Variants in INSC observed in about 807,000 individuals in gnomAD.
INSC encodes INSC spindle orientation adaptor protein.
In INSC, 67 loss-of-function variants were observed where a neutral mutation model predicts 58.6. That is an observed-to-expected ratio of 1.14 (90% CI 0.94 to 1.40). The LOEUF is 1.40. Among genes scored for constraint, INSC ranks in the 40% most tolerant of loss-of-function variants. The probability of loss-of-function intolerance (pLI) is 0.00; values close to 1 mark genes in which losing one functional copy is unlikely to be tolerated. For synonymous variants in INSC, 262 were observed against 276.1 expected (o/e 0.95, Z 0.51); for missense variants, 714 against 692.0 (o/e 1.03, Z -0.36).
At chr11:15,255,627 C>G in the INSC span, among the ~76,000 whole-genome samples, 1 of 152,020 alleles carries the variant, frequency 6.6e-6, no homozygotes, top group African/African-American at 2.4e-5. Context: ...ATCTTGTCTT[C>G]TTTAACACAG....
At chr11:15,149,757 C>G (rs1444497361) in intron 2 of INSC, among the ~76,000 whole-genome samples, 1 of 152,166 alleles carries the variant, frequency 6.6e-6, no homozygotes, top group African/African-American at 2.4e-5. Context: ...CACTTGGGGC[C>G]ACCAGAGGTG....
the INSC span, among the ~76,000 whole-genome samples, chr11:15,264,851 T>C: frequency 6.6e-6 from 1 of 152,084 alleles, no homozygotes; most frequent in African/African-American, 2.4e-5. Context: ...CATGAGGGTG[T>C]GGACAACTTT....
chr11:15,127,519 T>C (rs1406327557), intron 1 of INSC, among the ~76,000 whole-genome samples: 1 of 152,174 alleles, frequency 6.6e-6, no homozygotes, highest in Non-Finnish European at 1.5e-5. Context: ...GTTCTTAAGC[T>C]CTTGGTCAGC....
chr11:15,176,086 G>A lies in INSC; in HGVS notation c.402G>A (p.Glu134=). The change falls in exon 3 of 13, where the codon GAG becomes GAA. Residue 134 remains glutamate, a splice_region_variant and synonymous_variant. Coordinates refer to ENST00000379556, the MANE Select transcript of INSC (RefSeq NM_001042536.3). The part of the protein sequence containing the change: ...VSRNSLKEMG[E]IEKLLMEKCS... ...GGAACTCCTTGAAGGAAATGGGCGA[G>A]GTCAGCTGCCCTGGGATAGGAGTGG... 16 of 1,510,904 alleles carry A rather than the reference G, an allele frequency of 1.1e-5. No individual in the cohort carries two copies. Among genetic ancestry groups the A allele is most frequent in the Non-Finnish European group, 1.3e-5 (15 of 1,118,020 alleles). 93.6% of individuals were successfully genotyped at this position (1,510,904 alleles called of 1,614,324 possible).
upstream of INSC, among the ~76,000 whole-genome samples, chr11:15,113,886 G>A (rs866739820): frequency 2.6e-5 from 4 of 152,152 alleles, no homozygotes; most frequent in Non-Finnish European, 2.9e-5. Flanking sequence ...CGGCGTGGTC[G>A]TTTTGTCATG....
At chr11:15,178,563 C>A in intron 5 of INSC, 116 bp downstream of exon 5, 2 of 1,260,830 alleles carry the variant, frequency 1.6e-6, no homozygotes, top group Non-Finnish European at 2.1e-6. Context: ...TATTGGGAAA[C>A]ATCTTACTCA....
At chr11:15,133,727 C>CA (rs1448172607) in intron 1 of INSC, among the ~76,000 whole-genome samples, 2 of 152,184 alleles carry the variant, frequency 1.3e-5, no homozygotes, top group Non-Finnish European at 2.9e-5. Context: ...AACACAACAA[C>CA]AAAAAACTCC....
intron 1 of INSC, among the ~76,000 whole-genome samples, chr11:15,117,239 G>A (rs919031986): frequency 2.8e-4 from 43 of 151,982 alleles, no homozygotes; most frequent in African/African-American, 9.9e-4. Context: ...ACCATGCCTG[G>A]CCTGAGTTTC....
chr11:15,150,011 G>A (rs1848601208), intron 2 of INSC, among the ~76,000 whole-genome samples: 1 of 152,212 alleles, frequency 6.6e-6, no homozygotes, highest in Non-Finnish European at 1.5e-5. Flanking sequence ...CAGGAATTAT[G>A]GCTGGCCATA....
At chr11:15,202,358 C>T (rs1352680369) in intron 7 of INSC, among the ~76,000 whole-genome samples, 3 of 152,128 alleles carry the variant, frequency 2.0e-5, no homozygotes, top group Non-Finnish European at 4.4e-5. Flanking sequence ...AACCAAAAGC[C>T]AAATCCAAGT....
upstream of INSC, among the ~76,000 whole-genome samples, chr11:15,113,143 T>TTCTTTCTTTC: frequency 2.0e-5 from 2 of 98,690 alleles, no homozygotes; most frequent in East Asian, 2.5e-4. Flanking sequence ...CTTTCTTTCT[T>TTCTTTCTTTC]TCTGTCTCTC....
intron 3 of INSC, 88 bp from the exon 4 acceptor site, chr11:15,177,023 A>G (rs933337919): frequency 2.1e-5 from 21 of 995,482 alleles, no homozygotes; most frequent in Non-Finnish European, 3.2e-5. Context: ...TTGATTCTTC[A>G]TGTTTAATGT....
intron 1 of INSC, among the ~76,000 whole-genome samples, chr11:15,119,317 G>A (rs1296604990): frequency 6.6e-6 from 1 of 152,184 alleles, no homozygotes; most frequent in Non-Finnish European, 1.5e-5. Context: ...AACATGCAGT[G>A]GGCAGTGTTG....
At chr11:15,256,781 C>T in the INSC span, among the ~76,000 whole-genome samples, 4 of 152,134 alleles carry the variant, frequency 2.6e-5, no homozygotes, top group African/African-American at 7.2e-5. Flanking sequence ...AGGCACTGCA[C>T]CTGGCCTGCA....
intron 2 of INSC, among the ~76,000 whole-genome samples, chr11:15,155,566 C>T (rs757710228): frequency 9.2e-5 from 14 of 152,210 alleles, no homozygotes; most frequent in South Asian, 2.1e-4. Flanking sequence ...ATCTCTCCTC[C>T]GTAATCCTAG....
At chr11:15,242,375 G>T (rs372152813) in intron 12 of INSC, among the ~76,000 whole-genome samples, 5 of 152,292 alleles carry the variant, frequency 3.3e-5, no homozygotes. Flanking sequence ...TGGATGAGTT[G>T]GTGGATGCTG....
chr11:15,119,407 G>T (rs551661523), intron 1 of INSC, among the ~76,000 whole-genome samples: 5 of 152,256 alleles, frequency 3.3e-5, no homozygotes, highest in African/African-American at 9.6e-5. Context: ...CGATCTGGCC[G>T]GTCTGATCTC....
At chr11:15,112,586 A>ATGTGTGTG (rs778449299), upstream of INSC, 1 of 887,424 alleles carries the variant, frequency 1.1e-6, no homozygotes, top group Non-Finnish European at 1.6e-6. Context: ...GGGAAGGTGG[A>ATGTGTGTG]TGTGAGTGTG....
intron 2 of INSC, among the ~76,000 whole-genome samples, chr11:15,160,338 G>A (rs1256752548): frequency 6.6e-6 from 1 of 152,178 alleles, no homozygotes; most frequent in East Asian, 1.9e-4. Flanking sequence ...GAGGCTGGAA[G>A]TCACAGTAGC....
Sources: allele counts gnomAD v4.1 joint callset (sites outside exome capture counted in the v4.1 genomes callset), GRCh38; gene constraint gnomAD v4.1.1; transcripts MANE v1.5; gene names NCBI Gene and HGNC (gene_info 2026-07-23, HGNC 2026-07-21).